EPB41: variants seen among roughly 807,000 people sequenced by gnomAD.
EPB41 encodes the protein erythrocyte membrane protein band 4.1.
EPB41 carries 65 observed loss-of-function variants against 108.0 expected under a neutral mutation model. The ratio of observed to expected loss-of-function variants is 0.60; its 90% CI spans 0.49 to 0.74. The LOEUF (loss-of-function observed/expected upper bound fraction) is 0.74, where lower values mean the gene tolerates loss of function less well. Ranked by LOEUF, EPB41 falls within the 30% of genes least tolerant of loss-of-function variation. EPB41 has a pLI of 0.00. For synonymous variants in EPB41, 336 were observed against 358.9 expected, an observed-to-expected ratio of 0.94 and a Z score of 0.72; for missense variants, 875 against 1,037.0, an observed-to-expected ratio of 0.84 and a Z score of 2.15.
chr1:29,097,781 G>A (rs777402165), intron 16 of EPB41, 26 bp from the exon 17 acceptor site: 15 of 1,613,084 alleles, frequency 9.3e-6, no homozygotes, highest in Non-Finnish European at 1.2e-5. Context: ...AAATACTCTA[G>A]TAACTCTTTC....
intron 7 of EPB41, among the ~76,000 whole-genome samples, chr1:29,025,541 G>C (rs1469059773): frequency 2.0e-5 from 3 of 151,728 alleles, no homozygotes; most frequent in African/African-American, 7.3e-5. Flanking sequence ...CAAAGGTCTT[G>C]GAAATTTTAG....
In EPB41 at chr1:28,993,475, GA is replaced by G. The variant is rs1412324775; in HGVS notation, c.618del (p.Lys206AsnfsTer48). 1.2e-6 allele frequency: 2 copies of G among 1,613,946 alleles called. No individual in the cohort carries two copies. Among genetic ancestry groups the G allele is most frequent in the Non-Finnish European group, 1.7e-6 (2 of 1,179,980 alleles). Reference sequence around the variant, plus strand: ...TTAAAAGCTTCCCAAAAACCAATCAGAAAACACAGGAACATGCACTGCAAGG... The same window carrying G: ...TTAAAAGCTTCCCAAAAACCAATCAGAAACACAGGAACATGCACTGCAAGG... ...TELKASQKPI[R>X]KHRNMHCKVS... On this transcript the variant is annotated frameshift_variant, in exon 3 of 21. Transcript: ENST00000343067. LOFTEE classifies it high-confidence loss of function.
At chr1:28,923,314 C>T (rs184029917) in intron 1 of EPB41, among the ~76,000 whole-genome samples, 4 of 150,808 alleles carry the variant, frequency 2.7e-5, no homozygotes, top group East Asian at 3.9e-4. Flanking sequence ...AGGCTGGTCT[C>T]GAACTCCTGA....
chr1:28,966,381 C>T (rs2095356912), intron 1 of EPB41, among the ~76,000 whole-genome samples: 1 of 152,080 alleles, frequency 6.6e-6, no homozygotes, highest in African/African-American at 2.4e-5. Flanking sequence ...TAGTTTCTGG[C>T]CTTTGGACTT....
At chr1:28,931,372 TAAAAA>T (rs533690754) in intron 1 of EPB41, among the ~76,000 whole-genome samples, 4 of 98,894 alleles carry the variant, frequency 4.0e-5, no homozygotes, top group Admixed American at 1.1e-4. Context: ...ACTCTGTCAT[TAAAAA>T]AAAAAAAAAA....
intron 1 of EPB41, among the ~76,000 whole-genome samples, chr1:28,944,381 T>A (rs766417355): frequency 3.3e-5 from 5 of 152,136 alleles, no homozygotes; most frequent in Non-Finnish European, 7.4e-5. Context: ...TGTTTGTAAC[T>A]CAAAAGATAA....
At chr1:28,973,492 C>T (rs1464642452) in intron 1 of EPB41, among the ~76,000 whole-genome samples, 1 of 152,102 alleles carries the variant, frequency 6.6e-6, no homozygotes, top group Non-Finnish European at 1.5e-5. Flanking sequence ...TGGGCTCAAG[C>T]AATTCTTCTG....
intron 1 of EPB41, among the ~76,000 whole-genome samples, chr1:28,901,731 G>C (rs984129989): frequency 6.6e-6 from 1 of 151,450 alleles, no homozygotes; most frequent in African/African-American, 2.4e-5. Flanking sequence ...ACAGGGTTTC[G>C]CCATGTTGAC....
intron 11 of EPB41, among the ~76,000 whole-genome samples, chr1:29,048,979 C>T (rs775449717): frequency 6.6e-6 from 1 of 152,094 alleles, no homozygotes; most frequent in Non-Finnish European, 1.5e-5. Flanking sequence ...CCCGTTGAGT[C>T]ACCCCTCCCT....
intron 18 of EPB41, 81 bp downstream of exon 18, chr1:29,109,518 G>A (rs1668442791): frequency 1.7e-6 from 2 of 1,151,514 alleles, no homozygotes; most frequent in Non-Finnish European, 2.6e-6. Flanking sequence ...AAGGACCCTA[G>A]TCCATAAGCA....
Position 29,030,468 on chromosome 1 carries a change from T to C in EPB41, c.1193T>C (p.Val398Ala). 1.2e-6 allele frequency: 2 copies of C among 1,613,748 alleles called. No individual in the cohort carries two copies. Among genetic ancestry groups the C allele is most frequent in the East Asian group, 2.2e-5 (1 of 44,848 alleles). ...GCCAAAAAGTTGTCTATGTATGGAGTTGATCTTCATAAAGCAAAGGTAATG... is the reference window on the plus strand; with the variant it reads ...GCCAAAAAGTTGTCTATGTATGGAGCTGATCTTCATAAAGCAAAGGTAATG... ...ENAKKLSMYG[V>A]DLHKAKDLEG... Residue 398 changes from valine (V) to alanine (A), a missense_variant, in exon 8 of 21, where the codon GTT becomes GCT. Val to Ala is a moderately conservative substitution (Grantham distance 64, BLOSUM62 0). This residue lies in a region of EPB41 where 519 missense variants were observed against 627.3 expected (regional missense o/e 0.83). Transcript: ENST00000343067.
intron 4 of EPB41, among the ~76,000 whole-genome samples, chr1:29,010,641 T>C (rs1236598956): frequency 6.6e-6 from 1 of 152,208 alleles, no homozygotes; most frequent in East Asian, 1.9e-4. Context: ...TGCCCTTATT[T>C]TGCATGGTCT....
rs2090044634 is a variant in EPB41 at position 28,890,897 on chromosome 1, C to T, written c.-8+3687C>T. 5.1e-6 allele frequency: 5 copies of T among 985,316 alleles called. No individual in the cohort carries two copies. The South Asian group carries it at 1.4e-4, about 28-fold the overall frequency. 61.0% of individuals were successfully genotyped at this position (985,316 alleles called of 1,614,324 possible). ...TACTGAGGTGCCCACATTGCTCAGC[C>T]CTTACCTGTGGAACTGTTTGACCCC... On this transcript the variant is annotated intron_variant, in intron 1 of 16. Transcript: ENST00000347529.
At chr1:28,924,484 G>C (rs369341216) in intron 1 of EPB41, among the ~76,000 whole-genome samples, 3 of 151,978 alleles carry the variant, frequency 2.0e-5, no homozygotes, top group Non-Finnish European at 2.9e-5. Context: ...AGCTGAGATC[G>C]TGCCACTGCA....
Position 29,037,906 on chromosome 1 carries a change from T to C in EPB41, c.1464-1348T>C, listed in dbSNP as rs180882787. Among the ~76,000 whole-genome samples the C allele has an allele frequency of 1.3e-4, 18 of 141,714 alleles. 1 individual carries two copies. Among genetic ancestry groups the C allele is most frequent in the Non-Finnish European group, 4.9e-5 (3 of 60,832 alleles). 93.0% of individuals were successfully genotyped at this position (141,714 alleles called of 152,430 possible). The stretch of plus-strand genomic sequence containing the variant: ...GTAGCAACAGTACAATAAAATCCCC[T>C]TGTACTTATCACCCAGCTTCAATAA... On this transcript the variant is annotated intron_variant, in intron 10 of 20. Transcript: ENST00000343067.
intron 1 of EPB41, among the ~76,000 whole-genome samples, chr1:28,920,714 A>C (rs1489764594): frequency 6.6e-6 from 1 of 152,110 alleles, no homozygotes; most frequent in African/African-American, 2.4e-5. Flanking sequence ...ATCATGGCTC[A>C]TTACAGCCTC....
intron 17 of EPB41, 121 bp downstream of exon 17, chr1:29,098,056 A>C: frequency 7.8e-6 from 11 of 1,406,384 alleles, no homozygotes; most frequent in Non-Finnish European, 1.1e-5. Context: ...AGTTCTTTTT[A>C]GAAGAGATTA....
At chr1:29,041,075 G>T (rs1641323195) in intron 11 of EPB41, 1 of 151,342 alleles carries the variant, frequency 6.6e-6, no homozygotes. Context: ...GGCGGAGGCT[G>T]CAGTGAGCCA....
chr1:28,945,108 A>G (rs903721435), intron 1 of EPB41, among the ~76,000 whole-genome samples: 2 of 151,582 alleles, frequency 1.3e-5, no homozygotes, highest in African/African-American at 4.9e-5. Context: ...AAAAAAAAAA[A>G]GAACCAGAAT....
Sources: gnomAD v4.1 joint callset for allele counts (sites outside exome capture counted in the v4.1 genomes callset) on GRCh38, gnomAD v4.1.1 for gene constraint, gnomAD v4.1.1 regional missense constraint, MANE v1.5 for transcripts, NCBI Gene and HGNC (gene_info 2026-07-23, HGNC 2026-07-21) for gene names.